Variants in RELL1 observed in about 807,000 individuals in gnomAD.
RELL1 encodes RELT like 1.
RELL1 carries 10 observed loss-of-function variants against 23.0 expected under a neutral mutation model. That is an observed-to-expected ratio of 0.43 (90% CI 0.27 to 0.74). RELL1 has a LOEUF of 0.74. Among genes scored for constraint, RELL1 ranks in the 30% least tolerant of loss-of-function variants. RELL1 has a pLI of 0.19. For synonymous variants in RELL1, 146 were observed against 146.8 expected, an observed-to-expected ratio of 0.99 and a Z score of 0.04; for missense variants, 315 against 364.4, an observed-to-expected ratio of 0.86 and a Z score of 1.10.
At chr4:37,588,846 G>A, downstream of RELL1, 2 of 1,608,542 alleles carry the variant, frequency 1.2e-6, no homozygotes, top group South Asian at 1.1e-5. Context: ...TCTTTTCCAG[G>A]TGGTAACAGA....
chr4:37,593,654 A>G (rs1718723109), intron 6 of RELL1, among the ~76,000 whole-genome samples: 1 of 152,200 alleles, frequency 6.6e-6, no homozygotes, highest in African/African-American at 2.4e-5. Flanking sequence ...GGCTTTGCCA[A>G]ATAAACTCAG....
intron 6 of RELL1, among the ~76,000 whole-genome samples, chr4:37,594,850 A>ATGTAAG (rs1336913935): frequency 2.0e-5 from 3 of 152,134 alleles, no homozygotes; most frequent in Non-Finnish European, 4.4e-5. Flanking sequence ...GAGACACCAG[A>ATGTAAG]TGCAAGTGCA....
intron 1 of RELL1, among the ~76,000 whole-genome samples, chr4:37,667,197 C>T (rs565501470): frequency 2.0e-5 from 3 of 151,960 alleles, no homozygotes; most frequent in African/African-American, 7.2e-5. Context: ...CTCTGAAAAC[C>T]AGTAGCAACC....
chr4:37,604,842 CACACACACAG>C (rs1560323767), intron 6 of RELL1, among the ~76,000 whole-genome samples: 12 of 114,396 alleles, frequency 1.0e-4, no homozygotes, highest in African/African-American at 4.4e-4. Context: ...TACACACAGA[CACACACACAG>C]ACACACACAC....
downstream of RELL1, among the ~76,000 whole-genome samples, chr4:37,609,660 C>A (rs2109226075): frequency 6.6e-6 from 1 of 152,172 alleles, no homozygotes; most frequent in East Asian, 1.9e-4. Context: ...GAGACATTAA[C>A]AGGAGTCTGG....
chr4:37,655,090 G>C (rs1389656864), intron 1 of RELL1, among the ~76,000 whole-genome samples: 3 of 152,060 alleles, frequency 2.0e-5, no homozygotes, highest in African/African-American at 7.3e-5. Flanking sequence ...GAGGTCTGAT[G>C]GATGCTAGGA....
chr4:37,591,688 G>A (rs1311161183), intron 6 of RELL1: 1 of 152,174 alleles, frequency 6.6e-6, no homozygotes, highest in African/African-American at 2.4e-5. Flanking sequence ...CTTTGGGATT[G>A]GGGAGGCTGG....
intron 1 of RELL1, among the ~76,000 whole-genome samples, chr4:37,680,939 A>G (rs918385120): frequency 1.3e-5 from 2 of 151,634 alleles, no homozygotes; most frequent in South Asian, 4.2e-4. Flanking sequence ...CTCAAAAAAA[A>G]AAAAAAAAAA....
chr4:37,620,169 T>C (rs1719719372), intron 6 of RELL1, among the ~76,000 whole-genome samples: 1 of 152,216 alleles, frequency 6.6e-6, no homozygotes, highest in Non-Finnish European at 1.5e-5. Flanking sequence ...ATCACTTTTT[T>C]TAACTAGCAT....
At chr4:37,605,817 A>G (rs1299578118), downstream of RELL1, among the ~76,000 whole-genome samples, 15 of 121,274 alleles carry the variant, frequency 1.2e-4, no homozygotes, top group African/African-American at 3.9e-4. Context: ...GAAAGAAAGA[A>G]AGAAAGAAAG....
At chr4:37,668,372 C>T (rs954105541) in intron 1 of RELL1, among the ~76,000 whole-genome samples, 5 of 152,192 alleles carry the variant, frequency 3.3e-5, no homozygotes, top group South Asian at 2.1e-4. Context: ...CGCGCCGCCA[C>T]GCCTGACTGG....
chr4:37,669,234 T>TGG lies in RELL1; in HGVS notation c.88+16964_88+16965dup, dbSNP rs1326673803. 3.0e-4 allele frequency among the ~76,000 whole-genome samples: 15 copies of TGG among 50,808 alleles called. No homozygotes were observed. In the East Asian group the frequency reaches 5.7e-3, roughly 19 times the overall value. 33.3% of individuals were successfully genotyped at this position (50,808 alleles called of 152,430 possible). A position where few individuals can be genotyped will look rare whatever the true frequency, so the allele number is the denominator to read the frequency against. On this transcript the variant is annotated intron_variant, in intron 1 of 6. Transcript: ENST00000454158. ...CCAGCCGCCCCGTCCGGGAGGGAGG[T>TGG]GGGGGTCAGCCCCCCGCCCGGCCAG...
chr4:37,618,589 A>G (rs1041919626), intron 6 of RELL1, among the ~76,000 whole-genome samples: 1 of 152,148 alleles, frequency 6.6e-6, no homozygotes, highest in Non-Finnish European at 1.5e-5. Context: ...ATAAGGCACA[A>G]TTCATTTACT....
At chr4:37,679,720 C>T (rs1350105386) in intron 1 of RELL1, among the ~76,000 whole-genome samples, 4 of 151,960 alleles carry the variant, frequency 2.6e-5, no homozygotes, top group African/African-American at 4.8e-5. Context: ...TTTGGGAGGC[C>T]GAGGTGGGTG....
intron 1 of RELL1, among the ~76,000 whole-genome samples, chr4:37,674,964 T>C (rs1303782980): frequency 6.6e-6 from 1 of 152,242 alleles, no homozygotes; most frequent in African/African-American, 2.4e-5. Context: ...CACTCAAAGA[T>C]TGGTAATAGC....
chr4:37,652,482 A>T (rs1720981115), intron 1 of RELL1, among the ~76,000 whole-genome samples: 1 of 152,246 alleles, frequency 6.6e-6, no homozygotes, highest in African/African-American at 2.4e-5. Context: ...TTTCTTTATT[A>T]ATTCCTTTAT....
chr4:37,592,391 A>T (rs1416499704), intron 6 of RELL1, among the ~76,000 whole-genome samples: 1 of 149,286 alleles, frequency 6.7e-6, no homozygotes, highest in Non-Finnish European at 1.5e-5. Flanking sequence ...CTACAAAATT[A>T]TACTCAAGGA....
chr4:37,641,614 CCCT>C (rs1215015997), intron 3 of RELL1, among the ~76,000 whole-genome samples: 1 of 152,206 alleles, frequency 6.6e-6, no homozygotes, highest in Non-Finnish European at 1.5e-5. Flanking sequence ...CAAGGAAACT[CCCT>C]CAAGAAAAGG....
At chr4:37,661,934 G>C (rs1446536771) in intron 1 of RELL1, among the ~76,000 whole-genome samples, 2 of 152,294 alleles carry the variant, frequency 1.3e-5, no homozygotes, top group East Asian at 3.9e-4. Context: ...TCCCCGAAAA[G>C]GCAGCTATGA....
Sources: gnomAD v4.1 joint callset for allele counts (sites outside exome capture counted in the v4.1 genomes callset) on GRCh38, gnomAD v4.1.1 for gene constraint, MANE v1.5 for transcripts, NCBI Gene and HGNC (gene_info 2026-07-23, HGNC 2026-07-21) for gene names.